RMST: variants seen among roughly 807,000 people sequenced by gnomAD.
RMST encodes the protein long intergenic non-protein coding RNA 54.
intron 5 of RMST, among the ~76,000 whole-genome samples, chr12:97,475,041 C>T (rs924537073): frequency 2.0e-5 from 3 of 152,180 alleles, no homozygotes; most frequent in African/African-American, 7.2e-5. Flanking sequence ...AATACAACTT[C>T]TTAGCTTTCA....
intron 10 of RMST, among the ~76,000 whole-genome samples, chr12:97,503,503 T>C (rs1878321215): frequency 6.6e-6 from 1 of 150,602 alleles, no homozygotes. Flanking sequence ...AAATAAGCAC[T>C]TTGAGGACTA....
chr12:97,530,884 T>C (rs2070496000), intron 11 of RMST: 1 of 152,014 alleles, frequency 6.6e-6, no homozygotes, highest in African/African-American at 2.4e-5. Flanking sequence ...TAATTCCACA[T>C]CCTAGGTTTT....
intron 10 of RMST, among the ~76,000 whole-genome samples, chr12:97,530,120 G>T (rs1881495278): frequency 6.6e-6 from 1 of 152,108 alleles, no homozygotes; most frequent in African/African-American, 2.4e-5. Context: ...AGCTGGCTCT[G>T]CTGGGTAACA....
rs74990159 is a variant in RMST, at chr12:97,476,524, T to C, written n.644+10797T>C. On this transcript the variant is annotated intron_variant and non_coding_transcript_variant, in intron 5 of 13. Coordinates refer to ENST00000640149, the Ensembl canonical transcript of RMST. ...CCAGTGGACTTCAAAGGCAAGTCTA[T>C]GGTTGGATTAGCTCCACAGGACAGA... 9.6e-3 allele frequency among the ~76,000 whole-genome samples: 1,469 copies of C among 152,300 alleles called. 21 individuals carry two copies. The highest frequency in any genetic ancestry group is 0.033 in the African/African-American group (1,353 of 41,568).
intron 10 of RMST, among the ~76,000 whole-genome samples, chr12:97,516,610 C>T (rs1879963548): frequency 1.3e-5 from 2 of 152,028 alleles, no homozygotes; most frequent in South Asian, 4.1e-4. Flanking sequence ...GAAAAATTCA[C>T]AAGTAAACCC....
At chr12:97,503,316 A>G (rs898795922) in intron 10 of RMST, among the ~76,000 whole-genome samples, 2 of 152,198 alleles carry the variant, frequency 1.3e-5, no homozygotes, top group African/African-American at 2.4e-5. Flanking sequence ...AAAAGCTTAT[A>G]CTGACTCAAT....
chr12:97,517,075 G>A (rs999488695), intron 10 of RMST, among the ~76,000 whole-genome samples: 1 of 151,868 alleles, frequency 6.6e-6, no homozygotes, highest in African/African-American at 2.4e-5. Flanking sequence ...ACTCTTTAAA[G>A]ATTAGATATT....
intron 5 of RMST, among the ~76,000 whole-genome samples, chr12:97,480,092 T>TC: frequency 2.1e-5 from 2 of 96,390 alleles, no homozygotes; most frequent in African/African-American, 7.4e-5. Context: ...CTTTTTTCTT[T>TC]TTTTTTCTTT....
chr12:97,513,615 T>TATAATAAGAA (rs2136526290), intron 10 of RMST, among the ~76,000 whole-genome samples: 1 of 152,312 alleles, frequency 6.6e-6, no homozygotes, highest in East Asian at 1.9e-4. Context: ...AAGAGGGAAT[T>TATAATAAGAA]AGCTCTTATA....
At chr12:97,555,356 C>A (rs749989350) in intron 11 of RMST, among the ~76,000 whole-genome samples, 1 of 151,996 alleles carries the variant, frequency 6.6e-6, no homozygotes, top group East Asian at 1.9e-4. Context: ...ATGGAAATGC[C>A]GACAGTAAAT....
chr12:97,523,351 G>C (rs1325221943), intron 10 of RMST, among the ~76,000 whole-genome samples: 1 of 152,134 alleles, frequency 6.6e-6, no homozygotes, highest in East Asian at 1.9e-4. Flanking sequence ...AATATGTGGG[G>C]AATAGGGAGA....
intron 10 of RMST, among the ~76,000 whole-genome samples, chr12:97,523,065 A>C (rs1880680344): frequency 6.6e-6 from 1 of 152,218 alleles, no homozygotes; most frequent in Non-Finnish European, 1.5e-5. Flanking sequence ...AAATATTGTT[A>C]CTGATTGAAC....
chr12:97,551,467 T>G (rs1297989430), intron 11 of RMST, among the ~76,000 whole-genome samples: 1 of 152,130 alleles, frequency 6.6e-6, no homozygotes, highest in Admixed American at 6.6e-5. Context: ...GATGTGGTAA[T>G]AATGATCAAA....
At chr12:97,474,020 AT>A (rs1356828085) in intron 5 of RMST, among the ~76,000 whole-genome samples, 1 of 152,108 alleles carries the variant, frequency 6.6e-6, no homozygotes, top group African/African-American at 2.4e-5. Context: ...GAAGGGAAGA[AT>A]TGGCTAAAAA....
At chr12:97,541,370 T>G (rs1882506125) in intron 11 of RMST, 1 of 151,654 alleles carries the variant, frequency 6.6e-6, no homozygotes, top group Non-Finnish European at 1.5e-5. Context: ...AATAATACTG[T>G]TTTTCCACGG....
At chr12:97,503,382 G>A (rs1565925237) in intron 10 of RMST, among the ~76,000 whole-genome samples, 1 of 151,056 alleles carries the variant, frequency 6.6e-6, no homozygotes, top group Non-Finnish European at 1.5e-5. Context: ...AATTAAAATG[G>A]GTAAATTATC....
At chr12:97,502,983 C>T (rs1377228704) in intron 10 of RMST, among the ~76,000 whole-genome samples, 1 of 152,172 alleles carries the variant, frequency 6.6e-6, no homozygotes, top group Non-Finnish European at 1.5e-5. Flanking sequence ...CACCTGTTTT[C>T]ATGGAATCTT....
rs201446346 is a variant in RMST at position 97,560,165 on chromosome 12, AAAG to A, written n.1546-355_1546-353del. Among the ~76,000 whole-genome samples, 180 of 152,018 alleles carry A rather than the reference AAAG, an allele frequency of 1.2e-3. No homozygotes were observed. In the East Asian group the frequency reaches 0.017, roughly 14 times the overall value. On this transcript the variant is annotated intron_variant and non_coding_transcript_variant, in intron 11 of 13. Coordinates refer to ENST00000640149, the Ensembl canonical transcript of RMST. ...TTGATTTATTGAACTGACTGCAGAA[AAAG>A]AAGAAGAAGAAGAAGATCAATCTGA... is the stretch of plus-strand genomic sequence containing the variant.
rs548948678 is a variant in RMST, at chr12:97,506,011, CAATT to C, written n.1340+9961_1340+9964del. 3.9e-5 allele frequency among the ~76,000 whole-genome samples: 6 copies of C among 152,088 alleles called. No homozygotes were observed. The East Asian group carries it at 5.8e-4, about 15-fold the overall frequency. On this transcript the variant is annotated intron_variant and non_coding_transcript_variant, in intron 10 of 13. Transcript: ENST00000640149. ...ATATTGACTTCTGTATAAATGAGGT[CAATT>C]AATTATTCTAAAAACCCACATATTT...
Sources: gnomAD v4.1 joint callset for allele counts (sites outside exome capture counted in the v4.1 genomes callset) on GRCh38, gnomAD v4.1.1 for gene constraint, MANE v1.5 for transcripts, NCBI Gene and HGNC (gene_info 2026-07-23, HGNC 2026-07-21) for gene names.